Variants in RYK observed in about 807,000 individuals in gnomAD.
RYK encodes the protein receptor like tyrosine kinase.
In RYK, 21 loss-of-function variants were observed where a neutral mutation model predicts 70.2. The ratio of observed to expected loss-of-function variants is 0.30; its 90% CI spans 0.21 to 0.43. The LOEUF (loss-of-function observed/expected upper bound fraction) is 0.43, where lower values mean the gene tolerates loss of function less well. Ranked by LOEUF, RYK falls within the 20% of genes least tolerant of loss-of-function variation. The probability of loss-of-function intolerance (pLI) is 1.00; values close to 1 mark genes in which losing one functional copy is unlikely to be tolerated. For missense variants in RYK, 604 were observed against 753.3 expected (o/e 0.80, Z 2.32); for synonymous variants, 267 against 278.0 (o/e 0.96, Z 0.39).
intron 1 of RYK, among the ~76,000 whole-genome samples, chr3:134,248,754 C>T (rs1422339763): frequency 6.6e-6 from 1 of 151,998 alleles, no homozygotes; most frequent in Non-Finnish European, 1.5e-5. Flanking sequence ...GCCGAGATCA[C>T]GCCACTGCAC....
intron 10 of RYK, chr3:134,181,001 A>G (rs1318977174): frequency 6.6e-6 from 1 of 152,230 alleles, no homozygotes; most frequent in Non-Finnish European, 1.5e-5. Flanking sequence ...CATGAGACAC[A>G]ACACTGCAAA....
chr3:134,174,371 A>G (rs1296305693), intron 13 of RYK, among the ~76,000 whole-genome samples: 3 of 152,238 alleles, frequency 2.0e-5, no homozygotes, highest in Admixed American at 2.0e-4. Flanking sequence ...ATACCAATTA[A>G]TATAATTAAT....
intron 1 of RYK, among the ~76,000 whole-genome samples, chr3:134,245,696 C>T (rs1475393256): frequency 6.6e-6 from 1 of 152,180 alleles, no homozygotes; most frequent in Non-Finnish European, 1.5e-5. Flanking sequence ...TCGAAGGCTA[C>T]AGCCTCCATC....
chr3:134,219,726 C>A (rs1263306873), intron 2 of RYK, among the ~76,000 whole-genome samples: 3 of 152,188 alleles, frequency 2.0e-5, no homozygotes, highest in African/African-American at 7.2e-5. Context: ...AATTCAGTAA[C>A]AACCACTCCA....
chr3:134,209,384 G>C (rs1207804764), intron 4 of RYK, among the ~76,000 whole-genome samples: 1 of 152,142 alleles, frequency 6.6e-6, no homozygotes. Context: ...AGTTAACATA[G>C]TTACTCAGAA....
intron 8 of RYK, among the ~76,000 whole-genome samples, chr3:134,190,238 A>C (rs2013604088): frequency 6.6e-6 from 1 of 152,178 alleles, no homozygotes. Flanking sequence ...TCTTCCTCAC[A>C]AAGGTTTTCC....
At chr3:134,175,846 A>C in intron 12 of RYK, 78 bp from the exon 13 acceptor site, 1 of 1,555,658 alleles carries the variant, frequency 6.4e-7, no homozygotes, top group Non-Finnish European at 8.9e-7. Context: ...TAAATACAAC[A>C]CAAGTCCCAC....
At chr3:134,188,803 G>C (rs756433054) in intron 9 of RYK, 34 bp downstream of exon 9, 23 of 1,292,324 alleles carry the variant, frequency 1.8e-5, no homozygotes, top group Non-Finnish European at 2.4e-5. Context: ...AGACAGAAGA[G>C]CATCATGGAA....
intron 1 of RYK, among the ~76,000 whole-genome samples, chr3:134,226,061 A>G (rs1273165877): frequency 1.3e-5 from 2 of 152,176 alleles, no homozygotes; most frequent in Non-Finnish European, 2.9e-5. Context: ...ATCAAATACC[A>G]TATGATAAAG....
At chr3:134,248,009 T>G (rs555202543) in intron 1 of RYK, among the ~76,000 whole-genome samples, 1 of 152,296 alleles carries the variant, frequency 6.6e-6, no homozygotes, top group Non-Finnish European at 1.5e-5. Context: ...ATTCTGAGAA[T>G]TCGGAGTGCC....
intron 2 of RYK, among the ~76,000 whole-genome samples, chr3:134,216,792 C>CAAAAAAAAAAAAAAAAAA (rs61441674): frequency 2.7e-5 from 1 of 37,420 alleles, no homozygotes; most frequent in South Asian, 1.6e-3. Context: ...GACTCTGTCT[C>CAAAAAAAAAAAAAAAAAA]AAAAAAAAAA....
At chr3:134,171,221 G>A (rs914678284) in intron 13 of RYK, 2 of 152,214 alleles carry the variant, frequency 1.3e-5, no homozygotes, top group Non-Finnish European at 2.9e-5. Context: ...TGGTGTAACT[G>A]CATTCTGATG....
intron 1 of RYK, among the ~76,000 whole-genome samples, chr3:134,233,135 C>A (rs1393333353): frequency 6.6e-6 from 1 of 152,214 alleles, no homozygotes; most frequent in Non-Finnish European, 1.5e-5. Context: ...ATCTCTCACT[C>A]TCTTCTGAGG....
intron 1 of RYK, among the ~76,000 whole-genome samples, chr3:134,247,957 C>T (rs2107700552): frequency 6.6e-6 from 1 of 152,282 alleles, no homozygotes; most frequent in Middle Eastern, 3.4e-3. Flanking sequence ...GCTACTATTC[C>T]AAGAAGCCTT....
At chr3:134,175,558 A>T in intron 13 of RYK, 51 bp downstream of exon 13, 1 of 1,558,248 alleles carries the variant, frequency 6.4e-7, no homozygotes, top group Non-Finnish European at 8.7e-7. Flanking sequence ...ACATTTAAAA[A>T]CAGAAAGCTG....
intron 2 of RYK, among the ~76,000 whole-genome samples, chr3:134,211,889 G>C (rs1226923732): frequency 6.6e-6 from 1 of 152,202 alleles, no homozygotes; most frequent in Non-Finnish European, 1.5e-5. Flanking sequence ...GAACTATGCA[G>C]CACTGACAGA....
intron 5 of RYK, among the ~76,000 whole-genome samples, chr3:134,206,696 A>T (rs2014222937): frequency 6.6e-6 from 1 of 152,086 alleles, no homozygotes; most frequent in Non-Finnish European, 1.5e-5. Flanking sequence ...TATGGGTGAA[A>T]TAATCTGATG....
intron 13 of RYK, among the ~76,000 whole-genome samples, chr3:134,164,965 C>A (rs1317190971): frequency 1.3e-5 from 2 of 152,160 alleles, no homozygotes; most frequent in African/African-American, 4.8e-5. Flanking sequence ...TTGCATTTCC[C>A]TAATGAATGA....
chr3:134,222,058 T>C (rs35111284), intron 2 of RYK, among the ~76,000 whole-genome samples: 46,597 of 151,992 alleles, frequency 0.31, 8,587 homozygotes, highest in Middle Eastern at 0.47. Flanking sequence ...AAAAAGCCTA[T>C]CTTACCAATC....
Sources: allele counts gnomAD v4.1 joint callset (sites outside exome capture counted in the v4.1 genomes callset), GRCh38; gene constraint gnomAD v4.1.1; transcripts MANE v1.5; gene names NCBI Gene and HGNC (gene_info 2026-07-23, HGNC 2026-07-21).